Variants in ABCC4 observed in about 807,000 individuals in gnomAD.
ABCC4 encodes ATP binding cassette subfamily C member 4 (PEL blood group), also known as ATP-binding cassette sub-family C member 4.
ABCC4 carries 102 observed loss-of-function variants against 168.5 expected under a neutral mutation model. The ratio of observed to expected loss-of-function variants is 0.61; its 90% CI spans 0.52 to 0.71. ABCC4 has a LOEUF of 0.71. ABCC4 is among the 30% of genes least tolerant of loss of function. ABCC4 has a pLI of 0.00. For missense variants in ABCC4, 1,402 were observed against 1,605.8 expected, an observed-to-expected ratio of 0.87 and a Z score of 2.17; for synonymous variants, 617 against 590.7, an observed-to-expected ratio of 1.04 and a Z score of -0.65.
At chr13:95,132,087 T>C (rs115633589) in intron 19 of ABCC4, among the ~76,000 whole-genome samples, 49 of 152,306 alleles carry the variant, frequency 3.2e-4, no homozygotes, top group African/African-American at 1.1e-3. Context: ...AAACGAAAGA[T>C]GGTACAGTTG....
intron 19 of ABCC4, among the ~76,000 whole-genome samples, chr13:95,125,212 C>T (rs2035715916): frequency 6.6e-6 from 1 of 152,152 alleles, no homozygotes; most frequent in Non-Finnish European, 1.5e-5. Context: ...CATGTCAACA[C>T]CTCCATGACA....
In ABCC4 at chr13:95,062,877, C is replaced by A. The variant is rs200801755; in HGVS notation, c.3211-18G>T. ...ATGCCAACCTACAGAGAGATCCAGGCGGCAGGATTAAAAAAAAAAAGAAAA... is the reference window on the plus strand; with the variant it reads ...ATGCCAACCTACAGAGAGATCCAGGAGGCAGGATTAAAAAAAAAAAGAAAA... On this transcript the variant is annotated intron_variant, in intron 25 of 30. Coordinates refer to ENST00000645237, the MANE Select transcript of ABCC4 (RefSeq NM_005845.5). 5.3e-6 allele frequency: 8 copies of A among 1,503,854 alleles called. No individual in the cohort carries two copies. The highest frequency in any genetic ancestry group is 2.5e-5 in the Admixed American group (1 of 40,376). 93.2% of individuals were successfully genotyped at this position (1,503,854 alleles called of 1,614,324 possible). A position where few individuals can be genotyped will look rare whatever the true frequency, so the allele number is the denominator to read the frequency against.
chr13:95,267,970 T>C (rs2040729267), intron 1 of ABCC4, among the ~76,000 whole-genome samples: 1 of 152,078 alleles, frequency 6.6e-6, no homozygotes, highest in African/African-American at 2.4e-5. Context: ...CACCAAAACC[T>C]GGATGAGATT....
intron 19 of ABCC4, among the ~76,000 whole-genome samples, chr13:95,153,980 T>C (rs958794004): frequency 2.0e-5 from 3 of 150,416 alleles, no homozygotes; most frequent in Admixed American, 6.6e-5. Context: ...ATAACCATTG[T>C]TATGTGAAAA....
At chr13:95,105,516 T>A (rs559954834) in intron 20 of ABCC4, among the ~76,000 whole-genome samples, 1 of 152,328 alleles carries the variant, frequency 6.6e-6, no homozygotes, top group East Asian at 1.9e-4. Context: ...AGTTAATACC[T>A]TAACTTTCAG....
At chr13:95,048,025 CA>C (rs1314231600) in intron 27 of ABCC4, among the ~76,000 whole-genome samples, 1 of 152,142 alleles carries the variant, frequency 6.6e-6, no homozygotes, top group Non-Finnish European at 1.5e-5. Context: ...TATGAAGTCA[CA>C]AGGATACCTC....
Position 95,053,260 on chromosome 13 carries a change from G to C in ABCC4, c.3367-76C>G, listed in dbSNP as rs1332546783. On this transcript the variant is annotated intron_variant, in intron 26 of 30. Coordinates refer to ENST00000645237, the MANE Select transcript of ABCC4 (RefSeq NM_005845.5). ...TATTCCAATGCTAACATCAACAATA[G>C]AATTAAGATACCAAAAAATAAAATT... 4 of 1,107,670 alleles carry C rather than the reference G, an allele frequency of 3.6e-6. No homozygotes were observed. In the Admixed American group the frequency reaches 7.6e-5, roughly 21 times the overall value. The allele number at this position is 1,107,670 out of a possible 1,614,324, so 68.6% of individuals were successfully genotyped here. A position where few individuals can be genotyped will look rare whatever the true frequency, so the allele number is the denominator to read the frequency against.
intron 8 of ABCC4, among the ~76,000 whole-genome samples, chr13:95,199,849 G>A (rs925062828): frequency 2.0e-5 from 3 of 152,088 alleles, no homozygotes; most frequent in Non-Finnish European, 4.4e-5. Flanking sequence ...GAAATGCAGG[G>A]CATCAGCCTC....
intron 26 of ABCC4, chr13:95,055,593 T>C (rs1404361628): frequency 6.6e-6 from 1 of 152,134 alleles, no homozygotes; most frequent in Admixed American, 6.5e-5. Flanking sequence ...ATATTAAACA[T>C]GTGACCAGGC....
chr13:95,234,404 C>T (rs746533145), intron 4 of ABCC4, among the ~76,000 whole-genome samples: 2 of 152,202 alleles, frequency 1.3e-5, no homozygotes, highest in Non-Finnish European at 2.9e-5. Context: ...TGGCCTGATG[C>T]AAATAGCAAG....
At chr13:95,034,098 G>A (rs1243826029) in intron 30 of ABCC4, among the ~76,000 whole-genome samples, 1 of 152,170 alleles carries the variant, frequency 6.6e-6, no homozygotes, top group Non-Finnish European at 1.5e-5. Flanking sequence ...TAATAAAACA[G>A]AAACCAAAAG....
chr13:95,110,915 C>A (rs2035180227), intron 20 of ABCC4, among the ~76,000 whole-genome samples: 1 of 147,186 alleles, frequency 6.8e-6, no homozygotes, highest in African/African-American at 2.5e-5. Flanking sequence ...CTGCAGTGAG[C>A]TGAGACTGCG....
chr13:95,135,023 T>A (rs1457431800), intron 19 of ABCC4, among the ~76,000 whole-genome samples: 2 of 152,196 alleles, frequency 1.3e-5, no homozygotes, highest in African/African-American at 4.8e-5. Flanking sequence ...TCTGTTTTAA[T>A]TTATATTTTC....
intron 20 of ABCC4, among the ~76,000 whole-genome samples, chr13:95,108,523 C>T (rs980583629): frequency 6.6e-6 from 1 of 152,162 alleles, no homozygotes; most frequent in Admixed American, 6.5e-5. Context: ...AACAGCAGTT[C>T]CCTTGAACAT....
chr13:95,188,472 C>A lies in ABCC4; in HGVS notation c.1334G>T (p.Gly445Val). ...ACTCACCTTCCCTGCTCCCACGGGGCCGACCACAGCTAACAATTCGCCAGG... is the reference window on the plus strand; with the variant it reads ...ACTCACCTTCCCTGCTCCCACGGGGACGACCACAGCTAACAATTCGCCAGG... ...VRPGELLAVV[G>V]PVGAGKSSLL... The change falls in exon 10 of 31, where the codon GGC (glycine) becomes GTC (valine). Residue 445 changes from glycine to valine, a missense_variant. Gly to Val is a moderately radical substitution (Grantham distance 109). Transcript: ENST00000645237. The A allele has an allele frequency of 6.2e-7, 1 of 1,614,100 alleles. No homozygotes were observed. The highest frequency in any genetic ancestry group is 8.5e-7 in the Non-Finnish European group (1 of 1,179,990).
intron 6 of ABCC4, 150 bp downstream of exon 6, chr13:95,209,284 A>G (rs3818486): frequency 0.65 from 582,447 of 896,546 alleles, 191,060 homozygotes; most frequent in African/African-American, 0.69. Context: ...GCATAAGGAC[A>G]GAGGCCCCCT....
chr13:95,234,949 G>A (rs1029787537), intron 3 of ABCC4, 115 bp from the exon 4 acceptor site: 1 of 757,800 alleles, frequency 1.3e-6, no homozygotes, highest in Admixed American at 2.9e-5. Context: ...GGAGTATAGT[G>A]GCACAATCCC....
intron 19 of ABCC4, among the ~76,000 whole-genome samples, chr13:95,120,161 T>G (rs2035515231): frequency 1.6e-5 from 1 of 61,164 alleles, no homozygotes; most frequent in African/African-American, 8.9e-5. Flanking sequence ...ACATCTGACC[T>G]TGAAGGTAAA....
At chr13:95,040,152 G>A (rs2032291042) in intron 29 of ABCC4, among the ~76,000 whole-genome samples, 1 of 152,180 alleles carries the variant, frequency 6.6e-6, no homozygotes, top group Admixed American at 6.5e-5. Flanking sequence ...CTCACCTGGG[G>A]AAGATGAAGG....
Sources: allele counts gnomAD v4.1 joint callset (sites outside exome capture counted in the v4.1 genomes callset), GRCh38; gene constraint gnomAD v4.1.1; transcripts MANE v1.5; gene names NCBI Gene and HGNC (gene_info 2026-07-23, HGNC 2026-07-21).